The following SPTBN5 variants were observed in gnomAD, a reference collection of about 807,000 sequenced individuals.
SPTBN5 encodes the protein spectrin beta, non-erythrocytic 5, also known as spectrin beta chain, non-erythrocytic 5.
In SPTBN5, 513 loss-of-function variants were observed where a neutral mutation model predicts 477.6. The ratio of observed to expected loss-of-function variants is 1.07; its 90% CI spans 1.00 to 1.16. SPTBN5 has a LOEUF of 1.16. Among genes scored for constraint, SPTBN5 ranks in the 50% most tolerant of loss-of-function variants. SPTBN5 has a pLI of 0.00. For missense variants in SPTBN5, 5,062 were observed against 4,731.8 expected, an observed-to-expected ratio of 1.07 and a Z score of -2.05; for synonymous variants, 2,169 against 2,011.7, an observed-to-expected ratio of 1.08 and a Z score of -2.09.
At chr15:41,886,783 C>A (rs1002086532) in intron 6 of SPTBN5, among the ~76,000 whole-genome samples, 1 of 152,222 alleles carries the variant, frequency 6.6e-6, no homozygotes, top group Non-Finnish European at 1.5e-5. Context: ...CACTTCCAGG[C>A]CTTAGCCTCT....
chr15:41,883,607 A>G, intron 7 of SPTBN5, 121 bp from the exon 8 acceptor site: 1 of 1,188,298 alleles, frequency 8.4e-7, no homozygotes, highest in African/African-American at 1.5e-5. Context: ...TGGCTGGGGC[A>G]AGGTCTATGG....
In SPTBN5 at chr15:41,881,132, G is replaced by A; in HGVS notation, c.2560C>T (p.Leu854Phe). 2 of 1,613,706 alleles carry A rather than the reference G, an allele frequency of 1.2e-6. No individual in the cohort carries two copies. Among genetic ancestry groups the A allele is most frequent in the Non-Finnish European group, 1.7e-6 (2 of 1,179,840 alleles). Residue 854 changes from leucine to phenylalanine, a missense_variant, in exon 13 of 68, where the codon CTC (leucine) becomes TTC (phenylalanine). Coordinates refer to ENST00000320955, the MANE Select transcript of SPTBN5 (RefSeq NM_016642.4). The part of the protein sequence containing the change: ...PGPGDAWKMA[L>F]PAEPDPDFDP... ...AAGTCAGGGTCAGGCTCAGCTGGGAGGGCCATCTTCCAGGCATCCCCAGGG... is the reference window on the plus strand; with the variant it reads ...AAGTCAGGGTCAGGCTCAGCTGGGAAGGCCATCTTCCAGGCATCCCCAGGG...
chr15:41,861,378 T>C, intron 46 of SPTBN5, 41 bp downstream of exon 46: 1 of 1,557,944 alleles, frequency 6.4e-7, no homozygotes, highest in Non-Finnish European at 8.9e-7. Flanking sequence ...AATGCTGCTC[T>C]GGTAATTCCC....
At chr15:41,858,159 G>A (rs1209063717) in intron 49 of SPTBN5, among the ~76,000 whole-genome samples, 2 of 152,156 alleles carry the variant, frequency 1.3e-5, no homozygotes, top group African/African-American at 2.4e-5. Flanking sequence ...GTAGCTGGAT[G>A]TAGTGGTGTG....
intron 13 of SPTBN5, among the ~76,000 whole-genome samples, chr15:41,880,514 C>A (rs911597627): frequency 1.3e-5 from 2 of 152,228 alleles, no homozygotes; most frequent in Non-Finnish European, 2.9e-5. Flanking sequence ...ATGGCAAGGG[C>A]TTAGGGAAGG....
chr15:41,883,149 G>T lies in SPTBN5; in HGVS notation c.1739C>A (p.Ala580Asp). The T allele has an allele frequency of 6.2e-7, 1 of 1,612,782 alleles. No individual in the cohort carries two copies. ...ELLQRHDLLE[A>D]QVSAHGAHVS... ...ATGGGCTCCGTGGGCCGAGACTTGA[G>T]CCTCCAGCAGGTCATGCCTCTGCAG... Residue 580 changes from alanine (A) to aspartate (D), a missense_variant, in exon 9 of 68, where the codon GCT (alanine) becomes GAT (aspartate). By Grantham distance (126) the Ala-to-Asp change is moderately radical. Transcript: ENST00000320955.
Position 41,873,896 on chromosome 15 carries a change from C to A in SPTBN5, c.4839G>T (p.Arg1613Ser). 1 of 1,611,508 alleles carries A rather than the reference C, an allele frequency of 6.2e-7. No homozygotes were observed. Among genetic ancestry groups the A allele is most frequent in the Non-Finnish European group, 8.5e-7 (1 of 1,179,892 alleles). Residue 1613 changes from arginine to serine, a missense_variant, in exon 25 of 68, where the codon AGG becomes AGT. Transcript: ENST00000320955. The stretch of plus-strand genomic sequence containing the variant: ...GACACTGGGCCCGCGCTTCACATGC[C>A]CTCTCCAGCTCTGCCCAGTGGCCTT... ...ELEGHWAELE[R>S]ACEARAQCLQ... is the part of the protein sequence containing the mutation.
chr15:41,856,520 C>A lies in SPTBN5; in HGVS notation c.8887G>T (p.Gly2963Trp). The change falls in exon 53 of 68, where the codon GGG (glycine) becomes TGG (tryptophan). Residue 2963 changes from glycine (G) to tryptophan (W), a missense_variant. Coordinates refer to ENST00000320955, the MANE Select transcript of SPTBN5 (RefSeq NM_016642.4). ...LGTGYKLVQA[G>W]HFAAHEVAAR... The stretch of plus-strand genomic sequence containing the variant: ...GCCACCTCGTGGGCGGCAAAGTGCC[C>A]AGCCTGCACCAGCTTGTACCCAGTG... 6.2e-7 allele frequency: 1 copy of A among 1,600,830 alleles called. No homozygotes were observed. Among genetic ancestry groups the A allele is most frequent in the East Asian group, 2.3e-5 (1 of 44,248 alleles).
intron 17 of SPTBN5, among the ~76,000 whole-genome samples, chr15:41,878,038 C>G (rs1321466178): frequency 1.3e-5 from 2 of 152,188 alleles, no homozygotes; most frequent in African/African-American, 4.8e-5. Context: ...GGCTAGACGC[C>G]CTGACTGAAA....
rs2065733559 is a variant in SPTBN5 at position 41,850,937 on chromosome 15, AGCCT to A, written c.10836-2_10837del. On this transcript the variant is annotated splice_acceptor_variant and coding_sequence_variant, in exon 66 of 68. Transcript: ENST00000320955. LOFTEE classifies it high-confidence loss of function. Reference sequence around the variant, plus strand: ...AAACAGGATCTCTGCCCCACTGGTCAGCCTGGCACCCACAGTCACAGGTCAAACT... The same window carrying A: ...AAACAGGATCTCTGCCCCACTGGTCAGGCACCCACAGTCACAGGTCAAACT... 1 of 1,564,086 alleles carries A rather than the reference AGCCT, an allele frequency of 6.4e-7. No homozygotes were observed. The highest frequency in any genetic ancestry group is 8.6e-7 in the Non-Finnish European group (1 of 1,164,990).
rs1004507372 is a variant in SPTBN5 at position 41,853,516 on chromosome 15, C to G, written c.9980+66G>C. 1.4e-4 allele frequency: 217 copies of G among 1,537,058 alleles called. 1 individual carries two copies. The highest frequency in any genetic ancestry group is 1.2e-5 in the Non-Finnish European group (14 of 1,136,914). On this transcript the variant is annotated intron_variant, in intron 58 of 67. Coordinates refer to ENST00000320955, the MANE Select transcript of SPTBN5 (RefSeq NM_016642.4). ...GCAGGGGAGGGAGGGTCCAGCTCCCCCAAGAGCCAGGATACCCCCACCCCA... is the reference window on the plus strand; with the variant it reads ...GCAGGGGAGGGAGGGTCCAGCTCCCGCAAGAGCCAGGATACCCCCACCCCA...
Position 41,854,110 on chromosome 15 carries a change from C to T in SPTBN5, c.9714G>A (p.Glu3238=), listed in dbSNP as rs570908949. The T allele has an allele frequency of 4.4e-6, 7 of 1,587,194 alleles. No individual in the cohort carries two copies. The African/African-American group carries it at 9.4e-5, about 21-fold the overall frequency. The change falls in exon 57 of 68, where the codon GAG becomes GAA. Residue 3238 remains glutamate (E), a synonymous_variant. Transcript: ENST00000320955. ...CAGATGACAGGCTGTGGCCTCCGTC[C>T]TCCCCCTTCATCAGGGCCGTCTTCT... is the stretch of plus-strand genomic sequence containing the variant. ...MQEKTALMKG[E]DGGHSLSSVR... is the part of the protein sequence containing the mutation.
intron 39 of SPTBN5, 106 bp downstream of exon 39, chr15:41,865,702 G>T: frequency 9.7e-7 from 1 of 1,035,018 alleles, no homozygotes; most frequent in Non-Finnish European, 1.4e-6. Context: ...GGAGGAGCAG[G>T]CATGGCGCCC....
chr15:41,851,089 C>T lies in SPTBN5; in HGVS notation c.10805G>A (p.Arg3602His), dbSNP rs371788915. ...TGARCERLRG[R>H]HGRKHTFSLR... ...GGAGAATGTGTGTTTCCTGCCGTGG[C>T]GGCCCCGCAGCCTCTCACACCGGGC... is the stretch of plus-strand genomic sequence containing the variant. Residue 3602 changes from arginine (R) to histidine (H), a missense_variant, in exon 65 of 68, where the codon CGC becomes CAC. By Grantham distance (29) the Arg-to-His change is conservative. Transcript: ENST00000320955. 124 of 1,612,830 alleles carry T rather than the reference C, an allele frequency of 7.7e-5. 2 individuals carry two copies. The South Asian group carries it at 9.5e-4, about 12-fold the overall frequency.
intron 32 of SPTBN5, 45 bp from the exon 33 acceptor site, chr15:41,868,646 G>A: frequency 6.3e-7 from 1 of 1,574,948 alleles, no homozygotes; most frequent in South Asian, 1.1e-5. Flanking sequence ...GGGCTGGGCT[G>A]GGCAGCAGGA....
chr15:41,850,200 TAGG>T (rs1168350209), intron 66 of SPTBN5: 4 of 517,882 alleles, frequency 7.7e-6, no homozygotes, highest in African/African-American at 7.7e-5. Context: ...GAGCCTTTCT[TAGG>T]AGGTGGGAAA....
chr15:41,851,893 C>A lies in SPTBN5; in HGVS notation c.10585-43G>T, dbSNP rs370510040. On this transcript the variant is annotated intron_variant, in intron 62 of 67. Coordinates refer to ENST00000320955, the MANE Select transcript of SPTBN5 (RefSeq NM_016642.4). ...GGCCCAGAAATGTCAGGACCAGCAC[C>A]CTCAGGAAGGTGGGCAAGGCACCCA... 2.0e-6 allele frequency: 3 copies of A among 1,538,128 alleles called. No homozygotes were observed. In the African/African-American group the frequency reaches 4.1e-5, roughly 21 times the overall value.
In SPTBN5 at chr15:41,858,797, C is replaced by G. The variant is rs972317283; in HGVS notation, c.8080-49G>C. 2.5e-6 allele frequency: 4 copies of G among 1,580,776 alleles called. No homozygotes were observed. In the South Asian group the frequency reaches 3.4e-5, roughly 14 times the overall value. On this transcript the variant is annotated intron_variant, in intron 48 of 67. Coordinates refer to ENST00000320955, the MANE Select transcript of SPTBN5 (RefSeq NM_016642.4). ...CTGCTGTCCAGGGCTTTCCCCTTCC[C>G]CTGACCTCTGGGATACCCCAGAGGA...
intron 39 of SPTBN5, 108 bp from the exon 40 acceptor site, chr15:41,864,132 G>T: frequency 1.1e-6 from 1 of 921,432 alleles, no homozygotes; most frequent in Middle Eastern, 3.4e-4. Flanking sequence ...ATGAGGAACT[G>T]CATATTTGGG....
Sources: allele counts gnomAD v4.1 joint callset (sites outside exome capture counted in the v4.1 genomes callset), GRCh38; gene constraint gnomAD v4.1.1; transcripts MANE v1.5; gene names NCBI Gene and HGNC (gene_info 2026-07-23, HGNC 2026-07-21).